Variants in RBM41 observed in about 807,000 individuals in gnomAD.
RBM41 encodes RNA-binding protein 41.
RBM41 carries 14 observed loss-of-function variants against 30.8 expected under a neutral mutation model. The ratio of observed to expected loss-of-function variants is 0.45; its 90% CI spans 0.30 to 0.71. The LOEUF is 0.71. Among genes scored for constraint, RBM41 ranks in the 30% least tolerant of loss-of-function variants. The probability of loss-of-function intolerance (pLI) is 0.08; values close to 1 mark genes in which losing one functional copy is unlikely to be tolerated. For synonymous variants in RBM41, 120 were observed against 110.1 expected (o/e 1.09, Z -0.56); for missense variants, 276 against 326.3 (o/e 0.85, Z 1.19).
At position 107,066,723 on chromosome X, in the gene RBM41, T is replaced by C; in HGVS notation, c.*804A>G. On this transcript the variant is annotated 3_prime_UTR_variant, in exon 8 of 8. Transcript: ENST00000685964. ...AACCATAAACAAACAACTGGGGGAT[T>C]TGTGACTGGCATCCTCTTTTCTAGA... 3 of 753,411 alleles carry C rather than the reference T, an allele frequency of 4.0e-6. No homozygotes were observed. Among genetic ancestry groups the C allele is most frequent in the Non-Finnish European group, 4.7e-6 (3 of 638,498 alleles). 62.1% of individuals were successfully genotyped at this position (753,411 alleles called of 1,213,427 possible). A position where few individuals can be genotyped will look rare whatever the true frequency, so the allele number is the denominator to read the frequency against.
At chrX:107,084,741 G>A (rs762072562) in intron 6 of RBM41, among the ~76,000 whole-genome samples, 22 of 111,602 alleles carry the variant, frequency 2.0e-4, no homozygotes, top group African/African-American at 6.8e-4. Context: ...GTAACTGCCC[G>A]TTTCTTCAGA....
At chrX:107,055,117 G>T in the RBM41 span, among the ~76,000 whole-genome samples, 1 of 111,605 alleles carries the variant, frequency 9.0e-6, no homozygotes, top group Non-Finnish European at 1.9e-5. Context: ...TTTGTGTCTG[G>T]CTTATTCCAT....
chrX:107,116,228 C>A, intron 2 of RBM41, 174 bp from the exon 3 acceptor site: 1 of 976,905 alleles, frequency 1.0e-6, no homozygotes, highest in East Asian at 3.8e-5. Flanking sequence ...AGAGTGCCGT[C>A]ATCCAGGAAT....
In RBM41 at chrX:107,062,768, T is replaced by G. The variant is rs1425238227; in HGVS notation, c.*4759A>C. On this transcript the variant is annotated 3_prime_UTR_variant, in exon 8 of 8. Coordinates refer to ENST00000685964, the MANE Select transcript of RBM41 (RefSeq NM_001324242.2). ...AGGTTTATAACTTTCTATGTCTATT[T>G]CCCAGCTTTTTCTTAAATTTATTCA... Among the ~76,000 whole-genome samples the G allele has an allele frequency of 2.7e-5, 3 of 112,065 alleles. No homozygotes were observed. Among genetic ancestry groups the G allele is most frequent in the Non-Finnish European group, 5.6e-5 (3 of 53,232 alleles).
chrX:107,060,258 A>G (rs1456461898), downstream of RBM41, among the ~76,000 whole-genome samples: 1 of 110,785 alleles, frequency 9.0e-6, no homozygotes, highest in African/African-American at 3.3e-5. Flanking sequence ...AGAGTGAAAA[A>G]AAAAAAAGAA....
At chrX:107,054,013 G>A in the RBM41 span, among the ~76,000 whole-genome samples, 2 of 110,824 alleles carry the variant, frequency 1.8e-5, no homozygotes, top group African/African-American at 6.6e-5. Flanking sequence ...AGGAAGCCGC[G>A]TTCTTCATAG....
At chrX:107,070,264 A>G (rs1306873686) in intron 6 of RBM41, 1 of 331,792 alleles carries the variant, frequency 3.0e-6, no homozygotes, top group Non-Finnish European at 5.9e-6. Flanking sequence ...GGAATGCCAT[A>G]CATGGCTGAA....
At chrX:107,072,458 C>T (rs1367568220) in intron 6 of RBM41, among the ~76,000 whole-genome samples, 1 of 110,801 alleles carries the variant, frequency 9.0e-6, no homozygotes, top group Non-Finnish European at 1.9e-5. Flanking sequence ...GGTAAAAGGC[C>T]TCTACAAGAA....
At position 107,098,483 on chromosome X, in the gene RBM41, A is replaced by C. The variant is rs73517306; in HGVS notation, c.596-9644T>G. Among the ~76,000 whole-genome samples, 239 of 111,927 alleles carry C rather than the reference A, an allele frequency of 2.1e-3. 1 individual carries two copies. Among genetic ancestry groups the C allele is most frequent in the African/African-American group, 7.4e-3 (227 of 30,829 alleles). On this transcript the variant is annotated intron_variant, in intron 5 of 7. Transcript: ENST00000685964. Reference sequence around the variant, plus strand: ...GAGAGAATCAAAAAAAAATTCATTCATATATGAACACCTGATATATGACAG... The same window carrying C: ...GAGAGAATCAAAAAAAAATTCATTCCTATATGAACACCTGATATATGACAG...
chrX:107,112,770 G>A, intron 5 of RBM41: 1 of 300,323 alleles, frequency 3.3e-6, no homozygotes, highest in South Asian at 3.2e-5. Flanking sequence ...AGTGAAAGAA[G>A]CCAGTCTCAC....
intron 5 of RBM41, among the ~76,000 whole-genome samples, chrX:107,099,690 TACACAC>T (rs58279760): frequency 1.9e-4 from 18 of 92,511 alleles, no homozygotes; most frequent in African/African-American, 3.9e-4. Flanking sequence ...TCCTGAAAGG[TACACAC>T]ACACACACAC....
intron 5 of RBM41, among the ~76,000 whole-genome samples, chrX:107,100,599 A>G (rs1012459238): frequency 8.9e-6 from 1 of 112,338 alleles, no homozygotes; most frequent in East Asian, 2.8e-4. Flanking sequence ...GAGTCTGACG[A>G]TATCTGTTGT....
chrX:107,063,372 A>G lies in RBM41; in HGVS notation c.*4155T>C, dbSNP rs754957392. ...ATTCTGAGTTCTTCCATGTTGTAGT[A>G]TGTGTCAGAAGTGTTCACCACTCTT... On this transcript the variant is annotated 3_prime_UTR_variant, in exon 8 of 8. Coordinates refer to ENST00000685964, the MANE Select transcript of RBM41 (RefSeq NM_001324242.2). Among the ~76,000 whole-genome samples the G allele has an allele frequency of 8.9e-6, 1 of 112,314 alleles. No individual in the cohort carries two copies. The highest frequency in any genetic ancestry group is 1.9e-5 in the Non-Finnish European group (1 of 53,270).
At chrX:107,096,641 A>G (rs1922998959) in intron 5 of RBM41, among the ~76,000 whole-genome samples, 1 of 111,655 alleles carries the variant, frequency 9.0e-6, no homozygotes, top group South Asian at 3.7e-4. Flanking sequence ...GACTATAAGT[A>G]CTCCAGAAAA....
downstream of RBM41, among the ~76,000 whole-genome samples, chrX:107,057,402 GTTGT>G (rs1315084138): frequency 8.9e-6 from 1 of 111,756 alleles, no homozygotes; most frequent in Non-Finnish European, 1.9e-5. Flanking sequence ...TGTTATATTA[GTTGT>G]TTAAGCATCT....
downstream of RBM41, among the ~76,000 whole-genome samples, chrX:107,058,986 TTA>T (rs760938762): frequency 2.7e-4 from 30 of 111,524 alleles, no homozygotes; most frequent in African/African-American, 7.8e-4. Context: ...ACTCATCACT[TTA>T]TGTTACAGCT....
rs747138216 is a variant in RBM41, at chrX:107,064,390, T to A, written c.*3137A>T. 3.4e-5 allele frequency: 3 copies of A among 86,978 alleles called. No homozygotes were observed. In the East Asian group the frequency reaches 1.2e-3, roughly 34 times the overall value. The allele number at this position is 86,978 out of a possible 1,213,427, so 7.2% of individuals were successfully genotyped here. On this transcript the variant is annotated 3_prime_UTR_variant, in exon 8 of 8. Transcript: ENST00000685964. Reference sequence around the variant, plus strand: ...GGGTTTTGTAATTTCCCTTATGATTTTTTTCTTTGACACATTTTTTTTTTT... The same window carrying A: ...GGGTTTTGTAATTTCCCTTATGATTATTTTCTTTGACACATTTTTTTTTTT...
chrX:107,115,018 T>C (rs762214105), intron 4 of RBM41: 1 of 199,616 alleles, frequency 5.0e-6, no homozygotes, highest in African/African-American at 3.0e-5. Flanking sequence ...TTTACTACCT[T>C]TAATCTCCAT....
intron 5 of RBM41, among the ~76,000 whole-genome samples, chrX:107,092,775 T>C (rs1602585527): frequency 9.0e-6 from 1 of 111,717 alleles, no homozygotes; most frequent in Non-Finnish European, 1.9e-5. Flanking sequence ...AGTGGGAATG[T>C]GTATACACAG....
Sources: gnomAD v4.1 joint callset for allele counts (sites outside exome capture counted in the v4.1 genomes callset) on GRCh38, gnomAD v4.1.1 for gene constraint, MANE v1.5 for transcripts, NCBI Gene and HGNC (gene_info 2026-07-23, HGNC 2026-07-21) for gene names.